The following NRXN3 variants were observed in gnomAD, a reference collection of about 807,000 sequenced individuals.
The protein encoded by NRXN3 is neurexin 3.
A neutral mutation model predicts 137.6 loss-of-function variants in NRXN3; 32 were observed. The ratio of observed to expected loss-of-function variants is 0.23; its 90% confidence interval spans 0.18 to 0.31. NRXN3 has a LOEUF of 0.31. NRXN3 is among the 10% of genes least tolerant of loss of function. The pLI is 1.00. For missense variants in NRXN3, 1,574 were observed against 2,062.5 expected, an observed-to-expected ratio of 0.76 and a Z score of 4.59; for synonymous variants, 798 against 784.5, an observed-to-expected ratio of 1.02 and a Z score of -0.29.
At chr14:79,007,689 C>T (rs1319478813) in intron 15 of NRXN3, among the ~76,000 whole-genome samples, 1 of 150,754 alleles carries the variant, frequency 6.6e-6, no homozygotes, top group African/African-American at 2.4e-5. Flanking sequence ...ATCTATAGTC[C>T]CAGCTACTTG....
intron 15 of NRXN3, among the ~76,000 whole-genome samples, chr14:79,299,871 A>G (rs2084839594): frequency 6.6e-6 from 1 of 152,080 alleles, no homozygotes; most frequent in Admixed American, 6.6e-5. Context: ...AAGAAATATG[A>G]TGGCATGAAG....
intron 4 of NRXN3, among the ~76,000 whole-genome samples, chr14:78,307,993 GCTTTGAAAAGTGCTTCCC>G (rs2077542369): frequency 6.6e-6 from 1 of 152,092 alleles, no homozygotes; most frequent in African/African-American, 2.4e-5. Flanking sequence ...TCCACCTGGA[GCTTTGAAAAGTGCTTCCC>G]TGCAGGTTGG....
chr14:78,509,537 G>T (rs1194647965), intron 4 of NRXN3, among the ~76,000 whole-genome samples: 1 of 152,082 alleles, frequency 6.6e-6, no homozygotes, highest in Non-Finnish European at 1.5e-5. Context: ...GCCCTTCACC[G>T]CCTGTTAGGT....
At chr14:78,932,989 C>T (rs923354019) in intron 10 of NRXN3, among the ~76,000 whole-genome samples, 1 of 152,106 alleles carries the variant, frequency 6.6e-6, no homozygotes, top group African/African-American at 2.4e-5. Flanking sequence ...GAAGATAGCT[C>T]ATAGGCAATT....
chr14:79,398,697 G>T (rs2095098257), intron 15 of NRXN3, among the ~76,000 whole-genome samples: 1 of 151,966 alleles, frequency 6.6e-6, no homozygotes, highest in Non-Finnish European at 1.5e-5. Context: ...GTTCAAGGGG[G>T]TTGAGTCTTT....
intron 4 of NRXN3, among the ~76,000 whole-genome samples, chr14:78,503,042 T>C (rs2095910259): frequency 6.6e-6 from 1 of 152,170 alleles, no homozygotes; most frequent in Non-Finnish European, 1.5e-5. Context: ...AGCAGTGCCA[T>C]ATTATTTTAT....
chr14:79,699,241 C>A (rs1407582315), intron 19 of NRXN3, among the ~76,000 whole-genome samples: 1 of 151,916 alleles, frequency 6.6e-6, no homozygotes, highest in African/African-American at 2.4e-5. Flanking sequence ...ACTCCTGACA[C>A]CTTGCTCTAC....
At chr14:78,512,123 G>A (rs80112138) in intron 4 of NRXN3, among the ~76,000 whole-genome samples, 49 of 152,228 alleles carry the variant, frequency 3.2e-4, no homozygotes, top group African/African-American at 1.2e-3. Context: ...ATCGCTTGAT[G>A]GATGATGATG....
Position 79,338,242 on chromosome 14 carries a change from T to TGTGTGTGTGTGTGA in NRXN3, c.3263-128970_3263-128969insTGTGAGTGTGTGTG, listed in dbSNP as rs1486370302. 9.2e-5 allele frequency among the ~76,000 whole-genome samples: 14 copies of TGTGTGTGTGTGTGA among 151,458 alleles called. No homozygotes were observed. In the East Asian group the frequency reaches 2.7e-3, roughly 29 times the overall value. On this transcript the variant is annotated intron_variant, in intron 15 of 20. Coordinates refer to ENST00000335750, the MANE Select transcript of NRXN3 (RefSeq NM_001330195.2). ...GAGTGTGTGTGTGTGTGTGTGTGTG[T>TGTGTGTGTGTGTGA]GTGTGTGTGAAGGAAGAGTAAGTGT...
At chr14:79,821,613 G>A (rs368133806) in intron 20 of NRXN3, among the ~76,000 whole-genome samples, 1 of 150,360 alleles carries the variant, frequency 6.7e-6, no homozygotes, top group East Asian at 2.0e-4. Context: ...GTAAACTCTT[G>A]GTGACATTAT....
intron 6 of NRXN3, among the ~76,000 whole-genome samples, chr14:78,669,681 G>A (rs1465859612): frequency 6.6e-6 from 1 of 151,976 alleles, no homozygotes; most frequent in African/African-American, 2.4e-5. Flanking sequence ...AGGGAAGAAA[G>A]GGAGGGCGAT....
intron 15 of NRXN3, among the ~76,000 whole-genome samples, chr14:79,151,480 T>C (rs1381616812): frequency 6.6e-6 from 1 of 152,080 alleles, no homozygotes; most frequent in African/African-American, 2.4e-5. Flanking sequence ...AGGAGGTTCC[T>C]GCCAATACTG....
chr14:79,535,474 G>A (rs2097202975), intron 16 of NRXN3, among the ~76,000 whole-genome samples: 1 of 152,068 alleles, frequency 6.6e-6, no homozygotes, highest in Non-Finnish European at 1.5e-5. Context: ...ATGGGAGGAA[G>A]CTTTTCTTTT....
intron 15 of NRXN3, among the ~76,000 whole-genome samples, chr14:79,437,264 A>G (rs947737428): frequency 1.4e-4 from 21 of 152,206 alleles, no homozygotes; most frequent in African/African-American, 4.8e-4. Context: ...GTCTGGAATG[A>G]TCTTTTGGAT....
chr14:78,241,399 AT>A lies in NRXN3; in HGVS notation c.-703-991del, dbSNP rs543563601. Among the ~76,000 whole-genome samples, 21 of 152,132 alleles carry A rather than the reference AT, an allele frequency of 1.4e-4. No individual in the cohort carries two copies. In the South Asian group the frequency reaches 3.7e-3, roughly 27 times the overall value. ...AATCCCAGCACTTTGGGAGGCCTAG[AT>A]GGGGAGATCAGAAGTTTGAGACCAG... On this transcript the variant is annotated intron_variant, in intron 1 of 20. Transcript: ENST00000335750.
At chr14:78,365,875 G>C (rs950529881) in intron 4 of NRXN3, among the ~76,000 whole-genome samples, 3 of 152,156 alleles carry the variant, frequency 2.0e-5, no homozygotes, top group African/African-American at 4.8e-5. Context: ...ATGTTTGAGA[G>C]GGTACCCCGA....
rs575672333 is a variant in NRXN3, at chr14:78,694,967, AT to A, written c.1222-14246del. On this transcript the variant is annotated intron_variant, in intron 6 of 20. Coordinates refer to ENST00000335750, the MANE Select transcript of NRXN3 (RefSeq NM_001330195.2). ...CAAATTTGGTAGCTTAAAAATAGTA[AT>A]TTTATTTTCTCATAATTCTGGAGGT... Among the ~76,000 whole-genome samples the A allele has an allele frequency of 1.5e-3, 229 of 152,012 alleles. 1 individual carries two copies. Among genetic ancestry groups the A allele is most frequent in the African/African-American group, 5.4e-3 (223 of 41,454 alleles).
At chr14:79,783,906 T>A (rs983995396) in intron 19 of NRXN3, among the ~76,000 whole-genome samples, 17 of 152,174 alleles carry the variant, frequency 1.1e-4, no homozygotes, top group African/African-American at 4.1e-4. Flanking sequence ...AAAATAAGAA[T>A]AAAAATGGTC....
intron 10 of NRXN3, among the ~76,000 whole-genome samples, chr14:78,825,820 C>T (rs1002434162): frequency 1.3e-5 from 2 of 152,196 alleles, no homozygotes; most frequent in Non-Finnish European, 2.9e-5. Context: ...GGTTTAGCAT[C>T]TCATGTAAAA....
Sources: allele counts gnomAD v4.1 joint callset (sites outside exome capture counted in the v4.1 genomes callset), GRCh38; gene constraint gnomAD v4.1.1; transcripts MANE v1.5; gene names NCBI Gene and HGNC (gene_info 2026-07-23, HGNC 2026-07-21).